CAMK1D: variants seen among roughly 807,000 people sequenced by gnomAD.
The protein encoded by CAMK1D is calcium/calmodulin dependent protein kinase ID.
In CAMK1D, 9 loss-of-function variants were observed where a neutral mutation model predicts 47.7. That is an observed-to-expected ratio of 0.19 (90% CI 0.11 to 0.33). The LOEUF (loss-of-function observed/expected upper bound fraction) is 0.33, where lower values mean the gene tolerates loss of function less well. Ranked by LOEUF, CAMK1D falls within the 10% of genes least tolerant of loss-of-function variation. The probability of loss-of-function intolerance (pLI) is 1.00; values close to 1 mark genes in which losing one functional copy is unlikely to be tolerated. For missense variants in CAMK1D, 291 were observed against 488.7 expected (o/e 0.60, Z 3.81); for synonymous variants, 184 against 184.9 (o/e 0.99, Z 0.04).
chr10:12,505,483 G>A (rs1282319017), intron 1 of CAMK1D, among the ~76,000 whole-genome samples: 2 of 152,176 alleles, frequency 1.3e-5, no homozygotes, highest in Non-Finnish European at 2.9e-5. Context: ...TGTCAGTGCT[G>A]CTTCTCACTC....
intron 3 of CAMK1D, among the ~76,000 whole-genome samples, chr10:12,684,585 A>G (rs1832581595): frequency 1.3e-5 from 2 of 152,244 alleles, no homozygotes; most frequent in African/African-American, 2.4e-5. Context: ...CTGTTTTAAC[A>G]TAATTTTTAA....
chr10:12,525,078 A>C (rs895840665), intron 1 of CAMK1D, among the ~76,000 whole-genome samples: 1 of 152,118 alleles, frequency 6.6e-6, no homozygotes, highest in Non-Finnish European at 1.5e-5. Flanking sequence ...ATCATTCATG[A>C]TGAGAAATTG....
At chr10:12,473,871 T>G (rs1564361083) in intron 1 of CAMK1D, among the ~76,000 whole-genome samples, 1 of 152,230 alleles carries the variant, frequency 6.6e-6, no homozygotes, top group Non-Finnish European at 1.5e-5. Context: ...TAGGAAGTCC[T>G]CTGCAGTTTT....
At chr10:12,620,213 A>T (rs964278279) in intron 2 of CAMK1D, among the ~76,000 whole-genome samples, 34 of 137,188 alleles carry the variant, frequency 2.5e-4, no homozygotes, top group South Asian at 4.6e-4. Context: ...AAAAAAAAAA[A>T]AAAAATAAAG....
intron 3 of CAMK1D, among the ~76,000 whole-genome samples, chr10:12,711,695 C>T (rs1833942964): frequency 6.6e-6 from 1 of 152,144 alleles, no homozygotes; most frequent in African/African-American, 2.4e-5. Context: ...GACGCTCTGG[C>T]CCGGAGCCGG....
intron 1 of CAMK1D, among the ~76,000 whole-genome samples, chr10:12,506,774 TC>T (rs1834887566): frequency 6.6e-6 from 1 of 152,150 alleles, no homozygotes; most frequent in South Asian, 2.1e-4. Context: ...CGCCTCAGCC[TC>T]CCAAAGTGCT....
At chr10:12,784,111 G>A (rs1837615452) in intron 5 of CAMK1D, among the ~76,000 whole-genome samples, 1 of 152,154 alleles carries the variant, frequency 6.6e-6, no homozygotes, top group South Asian at 2.1e-4. Flanking sequence ...TGACCAGGAG[G>A]AGGTTCTGAG....
intron 3 of CAMK1D, among the ~76,000 whole-genome samples, chr10:12,755,766 T>C (rs528703847): frequency 5.1e-4 from 78 of 152,218 alleles, no homozygotes; most frequent in Non-Finnish European, 9.3e-4. Flanking sequence ...AATGTCTGCC[T>C]TCTGGACCTT....
intron 5 of CAMK1D, among the ~76,000 whole-genome samples, chr10:12,780,643 C>T (rs1182229722): frequency 2.6e-5 from 4 of 152,190 alleles, no homozygotes; most frequent in African/African-American, 9.7e-5. Flanking sequence ...CTTCACTCCT[C>T]GATGTGGTTG....
At chr10:12,614,530 A>C (rs2132419713) in intron 2 of CAMK1D, among the ~76,000 whole-genome samples, 1 of 152,372 alleles carries the variant, frequency 6.6e-6, no homozygotes, top group Admixed American at 6.5e-5. Flanking sequence ...TATAGGGTTG[A>C]ATACACAGAA....
chr10:12,629,976 T>C (rs1336396438), intron 2 of CAMK1D, among the ~76,000 whole-genome samples: 1 of 152,194 alleles, frequency 6.6e-6, no homozygotes, highest in Non-Finnish European at 1.5e-5. Flanking sequence ...GCTGCAGCTC[T>C]CTGAGAGATG....
chr10:12,722,189 A>G (rs1198946913), intron 3 of CAMK1D, among the ~76,000 whole-genome samples: 4 of 152,248 alleles, frequency 2.6e-5, no homozygotes, highest in East Asian at 3.9e-4. Flanking sequence ...CACGCCTGTA[A>G]TCCCAGCACT....
At chr10:12,479,878 G>A (rs1834011514) in intron 1 of CAMK1D, among the ~76,000 whole-genome samples, 1 of 152,184 alleles carries the variant, frequency 6.6e-6, no homozygotes, top group Admixed American at 6.5e-5. Flanking sequence ...AACGCAGTCT[G>A]CTGCTTATTA....
intron 1 of CAMK1D, among the ~76,000 whole-genome samples, chr10:12,427,866 C>T (rs373519679): frequency 6.6e-6 from 1 of 151,424 alleles, no homozygotes; most frequent in African/African-American, 2.4e-5. Flanking sequence ...TGCCACCATG[C>T]CTGGCTGATT....
intron 3 of CAMK1D, among the ~76,000 whole-genome samples, chr10:12,750,776 T>A (rs1044754870): frequency 7.2e-5 from 11 of 152,206 alleles, no homozygotes; most frequent in Non-Finnish European, 1.0e-4. Context: ...GCAGGCCAGA[T>A]GCCATGGCTC....
chr10:12,514,297 A>G (rs1383858067), intron 1 of CAMK1D, among the ~76,000 whole-genome samples: 1 of 152,168 alleles, frequency 6.6e-6, no homozygotes, highest in Admixed American at 6.5e-5. Context: ...ATATCACACT[A>G]CTTATTATGC....
chr10:12,536,723 T>C (rs2132233392), intron 1 of CAMK1D, among the ~76,000 whole-genome samples: 1 of 152,364 alleles, frequency 6.6e-6, no homozygotes, highest in South Asian at 2.1e-4. Context: ...TTAGTGTTGG[T>C]GTGGCTGTTT....
At chr10:12,657,169 G>A (rs1025432718) in intron 2 of CAMK1D, among the ~76,000 whole-genome samples, 1 of 152,166 alleles carries the variant, frequency 6.6e-6, no homozygotes, top group East Asian at 1.9e-4. Flanking sequence ...GCTCATGCCT[G>A]TAATCCCAGC....
At chr10:12,387,727 C>T (rs965838491) in intron 1 of CAMK1D, among the ~76,000 whole-genome samples, 1 of 151,490 alleles carries the variant, frequency 6.6e-6, no homozygotes, top group African/African-American at 2.4e-5. Context: ...TGTGCTCAAG[C>T]GATCCGCCCA....
Sources: gnomAD v4.1 joint callset for allele counts (sites outside exome capture counted in the v4.1 genomes callset) on GRCh38, gnomAD v4.1.1 for gene constraint, MANE v1.5 for transcripts, NCBI Gene and HGNC (gene_info 2026-07-23, HGNC 2026-07-21) for gene names.